Variants in TOM1L1 observed in about 807,000 individuals in gnomAD.
TOM1L1 encodes the protein TOM1-like protein 1.
In TOM1L1, 64 loss-of-function variants were observed where a neutral mutation model predicts 63.4. That is an observed-to-expected ratio of 1.01 (90% CI 0.83 to 1.24). The LOEUF (loss-of-function observed/expected upper bound fraction) is 1.24. Among genes scored for constraint, TOM1L1 ranks in the 50% most tolerant of loss-of-function variants. TOM1L1 has a pLI of 0.00. For missense variants in TOM1L1, 536 were observed against 567.0 expected, an observed-to-expected ratio of 0.95 and a Z score of 0.55; for synonymous variants, 166 against 194.4, an observed-to-expected ratio of 0.85 and a Z score of 1.22.
chr17:54,949,954 A>C, intron 13 of TOM1L1, 91 bp from the exon 14 acceptor site: 3 of 1,018,692 alleles, frequency 2.9e-6, no homozygotes, highest in Non-Finnish European at 3.0e-6. Context: ...TTAGGATCTA[A>C]TATTTGAAGT....
intron 15 of TOM1L1, 152 bp from the exon 16 acceptor site, chr17:54,961,083 C>T: frequency 1.5e-6 from 1 of 656,344 alleles, no homozygotes; most frequent in East Asian, 2.7e-5. Context: ...ATTTATTCCC[C>T]TTATACCCTC....
chr17:54,958,748 A>AAAAAAGG (rs372776781), intron 14 of TOM1L1, among the ~76,000 whole-genome samples: 1,355 of 118,698 alleles, frequency 0.011, 50 homozygotes, highest in Non-Finnish European at 0.017. Context: ...AAAAAAAAAA[A>AAAAAAGG]GGGGTTGTTG....
At chr17:54,948,854 T>A (rs1166564903) in intron 12 of TOM1L1, among the ~76,000 whole-genome samples, 1 of 152,242 alleles carries the variant, frequency 6.6e-6, no homozygotes, top group East Asian at 1.9e-4. Flanking sequence ...TGAGTGCCTC[T>A]CTGTAGATTT....
chr17:54,928,852 T>G lies in TOM1L1; in HGVS notation c.721-1221T>G, dbSNP rs1246675177. 2.0e-5 allele frequency among the ~76,000 whole-genome samples: 3 copies of G among 152,210 alleles called. No homozygotes were observed. The East Asian group carries it at 5.8e-4, about 29-fold the overall frequency. On this transcript the variant is annotated intron_variant, in intron 7 of 15. Transcript: ENST00000575882. ...TATGTCATGTTGTCTTTTCAATATT[T>G]TTTGTTATGATTTTTTAGAGGGTAG...
intron 1 of TOM1L1, 138 bp downstream of exon 1, chr17:54,901,061 A>G (rs1332731369): frequency 7.6e-6 from 9 of 1,177,986 alleles, no homozygotes; most frequent in Non-Finnish European, 9.6e-6. Flanking sequence ...AACTTTCCCA[A>G]GGCACCCGCA....
intron 7 of TOM1L1, chr17:54,917,124 G>A (rs2048603626): frequency 6.6e-6 from 1 of 152,126 alleles, no homozygotes; most frequent in African/African-American, 2.4e-5. Flanking sequence ...CATGTGTGCA[G>A]ATGTTTGTTT....
In TOM1L1 at chr17:54,936,666, A is replaced by T. The variant is rs771626423; in HGVS notation, c.872A>T (p.Gln291Leu). ...LGYERFTRNQQRILEQNKNQK... is the reference protein window; with the variant it reads ...LGYERFTRNQLRILEQNKNQK... ...TTAAACAGGTTTACTAGAAACCAACAAAGGATTTTGGAGCAAAATAAGAAC... is the reference window on the plus strand; with the variant it reads ...TTAAACAGGTTTACTAGAAACCAACTAAGGATTTTGGAGCAAAATAAGAAC... The change falls in exon 9 of 16, where the codon CAA becomes CTA. Residue 291 changes from glutamine (Q) to leucine (L), a missense_variant. Gln to Leu is a moderately radical substitution (Grantham distance 113, BLOSUM62 -2). Coordinates refer to ENST00000575882, the MANE Select transcript of TOM1L1 (RefSeq NM_005486.3). 6.2e-7 allele frequency: 1 copy of T among 1,607,510 alleles called. No homozygotes were observed. The highest frequency in any genetic ancestry group is 2.2e-5 in the East Asian group (1 of 44,692).
At chr17:54,943,356 T>C (rs189567928) in intron 11 of TOM1L1, among the ~76,000 whole-genome samples, 54 of 152,102 alleles carry the variant, frequency 3.6e-4, no homozygotes, top group African/African-American at 1.3e-3. Flanking sequence ...TTCTGTTTCC[T>C]TTTTCCTGCT....
At chr17:54,932,262 G>T (rs192557509) in intron 8 of TOM1L1, among the ~76,000 whole-genome samples, 1 of 152,302 alleles carries the variant, frequency 6.6e-6, no homozygotes, top group Admixed American at 6.5e-5. Flanking sequence ...GATTGATTGA[G>T]CAAGCAGGGA....
Position 54,913,852 on chromosome 17 carries a change from G to A in TOM1L1, c.477G>A (p.Glu159=), listed in dbSNP as rs2048538819. The A allele has an allele frequency of 6.2e-7, 1 of 1,609,296 alleles. No individual in the cohort carries two copies. Among genetic ancestry groups the A allele is most frequent in the Non-Finnish European group, 8.5e-7 (1 of 1,177,118 alleles). ...TTCAGTTTCCTCCCTCAGAAGCAGA[G>A]GCTGAAACAGCAAGACAAGAGGTAG... ...KGVQFPPSEA[E]AETARQETAQ... The change falls in exon 5 of 16, where the codon GAG becomes GAA. Residue 159 remains glutamate (E), a synonymous_variant. Coordinates refer to ENST00000575882, the MANE Select transcript of TOM1L1 (RefSeq NM_005486.3).
intron 14 of TOM1L1, among the ~76,000 whole-genome samples, chr17:54,956,089 C>T (rs1399981985): frequency 6.6e-6 from 1 of 152,120 alleles, no homozygotes; most frequent in Admixed American, 6.5e-5. Flanking sequence ...CTTGTTACCC[C>T]TAAAAAAACC....
At chr17:54,905,064 C>T (rs946719321) in intron 2 of TOM1L1, among the ~76,000 whole-genome samples, 21 of 152,230 alleles carry the variant, frequency 1.4e-4, no homozygotes, top group Admixed American at 9.2e-4. Flanking sequence ...GGCAGCTGAC[C>T]TAGTTTGTTG....
chr17:54,946,261 A>T (rs2049116818), intron 11 of TOM1L1, among the ~76,000 whole-genome samples: 1 of 152,174 alleles, frequency 6.6e-6, no homozygotes, highest in South Asian at 2.1e-4. Flanking sequence ...TCAGTATTTC[A>T]TAAACAACTT....
intron 7 of TOM1L1, among the ~76,000 whole-genome samples, chr17:54,923,313 G>A (rs1409179011): frequency 1.3e-5 from 2 of 151,962 alleles, no homozygotes; most frequent in East Asian, 3.9e-4. Flanking sequence ...AAAATGTTTT[G>A]CACAATGGCT....
intron 11 of TOM1L1, among the ~76,000 whole-genome samples, chr17:54,939,646 C>T (rs1234697627): frequency 3.3e-5 from 5 of 152,166 alleles, no homozygotes; most frequent in African/African-American, 1.2e-4. Flanking sequence ...CAGCCTCAAA[C>T]TCCTGGGCCC....
chr17:54,918,578 TGAAAG>T (rs1320534753), intron 7 of TOM1L1, among the ~76,000 whole-genome samples: 1 of 152,108 alleles, frequency 6.6e-6, no homozygotes, highest in Non-Finnish European at 1.5e-5. Flanking sequence ...GGGGAGCTGT[TGAAAG>T]GATATAAGCT....
At chr17:54,909,547 T>C (rs9899602) in intron 3 of TOM1L1, among the ~76,000 whole-genome samples, 37,966 of 152,150 alleles carry the variant, frequency 0.25, 4,887 homozygotes, top group Non-Finnish European at 0.28. Context: ...CATTCACTCC[T>C]GCTAGGAAGT....
intron 3 of TOM1L1, among the ~76,000 whole-genome samples, chr17:54,911,565 G>T (rs2048497948): frequency 6.6e-6 from 1 of 152,182 alleles, no homozygotes; most frequent in Non-Finnish European, 1.5e-5. Flanking sequence ...TCCTCATGCA[G>T]AATGAGAGTC....
intron 1 of TOM1L1, 133 bp from the exon 2 acceptor site, chr17:54,903,574 CA>C: frequency 5.6e-5 from 43 of 767,020 alleles, no homozygotes; most frequent in Admixed American, 9.3e-5. Context: ...AGAACTGTTC[CA>C]AAAAAAATCA....
Sources: gnomAD v4.1 joint callset for allele counts (sites outside exome capture counted in the v4.1 genomes callset) on GRCh38, gnomAD v4.1.1 for gene constraint, MANE v1.5 for transcripts, NCBI Gene and HGNC (gene_info 2026-07-23, HGNC 2026-07-21) for gene names.